GABRG3: variants seen among roughly 807,000 people sequenced by gnomAD.
GABRG3 encodes gamma-aminobutyric acid receptor subunit gamma-3.
Under a neutral mutation model 48.8 loss-of-function variants are expected in GABRG3, and 25 were observed. The observed-to-expected ratio is 0.51, with a 90% confidence interval of 0.37 to 0.72. GABRG3 has a LOEUF of 0.72. GABRG3 is among the 30% of genes least tolerant of loss of function. The pLI, the probability that GABRG3 is intolerant of heterozygous loss-of-function variation, is 0.00. For missense variants in GABRG3, 394 were observed against 577.9 expected (o/e 0.68, Z 3.26); for synonymous variants, 227 against 217.6 (o/e 1.04, Z -0.38).
At chr15:27,436,051 T>C (rs1888599523) in intron 5 of GABRG3, among the ~76,000 whole-genome samples, 2 of 152,210 alleles carry the variant, frequency 1.3e-5, no homozygotes, top group South Asian at 4.1e-4. Flanking sequence ...TTAGTCCTGA[T>C]GGCAATTGCT....
At chr15:27,260,004 G>A (rs916576143) in intron 3 of GABRG3, among the ~76,000 whole-genome samples, 2 of 152,188 alleles carry the variant, frequency 1.3e-5, no homozygotes, top group Non-Finnish European at 2.9e-5. Flanking sequence ...CAAAGGGCCT[G>A]GGAAGATGTG....
intron 9 of GABRG3, among the ~76,000 whole-genome samples, chr15:27,529,780 AAGGAG>A (rs1188114994): frequency 6.6e-6 from 1 of 152,022 alleles, no homozygotes; most frequent in Non-Finnish European, 1.5e-5. Flanking sequence ...GTGTTGAAAG[AAGGAG>A]AGAAACATTG....
intron 3 of GABRG3, among the ~76,000 whole-genome samples, chr15:27,256,314 G>A (rs534528542): frequency 1.2e-4 from 18 of 152,112 alleles, no homozygotes; most frequent in East Asian, 3.9e-4. Flanking sequence ...GATGGAGGGC[G>A]CCTGTAGGCC....
rs191510819 is a variant in GABRG3 at position 27,307,038 on chromosome 15, A to T, written c.271-19771A>T. Among the ~76,000 whole-genome samples the T allele has an allele frequency of 1.4e-3, 116 of 84,082 alleles. 8 individuals carry two copies. The highest frequency in any genetic ancestry group is 5.7e-3 in the African/African-American group (103 of 17,934). The allele number at this position is 84,082 out of a possible 152,430, so 55.2% of individuals were successfully genotyped here. The stretch of plus-strand genomic sequence containing the variant: ...CATGTTTATATATAAACATGTATAA[A>T]ATAAACATGTTTATATATAAACATG... On this transcript the variant is annotated intron_variant, in intron 3 of 9. Coordinates refer to ENST00000615808, the MANE Select transcript of GABRG3 (RefSeq NM_033223.5).
At position 27,398,666 on chromosome 15, in the gene GABRG3, G is replaced by GCGCGCA. The variant is rs56278943; in HGVS notation, c.574+69779_574+69780insGCGCAC. 3.3e-4 allele frequency among the ~76,000 whole-genome samples: 48 copies of GCGCGCA among 147,306 alleles called. No homozygotes were observed. The East Asian group carries it at 6.1e-3, about 19-fold the overall frequency. Reference sequence around the variant, plus strand: ...TGGGTAGGGGAGATGACAAGCGCGCGCACACACACACACACACACACACCC... The same window carrying GCGCGCA: ...TGGGTAGGGGAGATGACAAGCGCGCGCGCGCACACACACACACACACACACACACCC... On this transcript the variant is annotated intron_variant, in intron 5 of 9. Coordinates refer to ENST00000615808, the MANE Select transcript of GABRG3 (RefSeq NM_033223.5).
At chr15:27,221,674 C>G (rs1238363175) in intron 3 of GABRG3, among the ~76,000 whole-genome samples, 1 of 152,102 alleles carries the variant, frequency 6.6e-6, no homozygotes, top group African/African-American at 2.4e-5. Flanking sequence ...CTTGTTACAA[C>G]CAAGTAGCTG....
intron 5 of GABRG3, among the ~76,000 whole-genome samples, chr15:27,369,951 C>A (rs960502675): frequency 2.6e-5 from 4 of 152,104 alleles, no homozygotes; most frequent in African/African-American, 9.7e-5. Flanking sequence ...CCCTTACTCA[C>A]CAGCTTCTTA....
chr15:27,173,976 T>C (rs1887658434), intron 3 of GABRG3, among the ~76,000 whole-genome samples: 1 of 152,244 alleles, frequency 6.6e-6, no homozygotes, highest in Admixed American at 6.5e-5. Context: ...ATTTGATAGC[T>C]ATCAAGATGT....
intron 3 of GABRG3, among the ~76,000 whole-genome samples, chr15:27,056,359 AAAAAAAAAAAAAAAG>A (rs1036143695): frequency 1.7e-4 from 25 of 149,990 alleles, no homozygotes; most frequent in African/African-American, 6.1e-4. Flanking sequence ...TCTCCAAAAA[AAAAAAAAAAAAAAAG>A]AAAAGAAAAA....
chr15:27,218,776 G>A (rs117704459), intron 3 of GABRG3, among the ~76,000 whole-genome samples: 1 of 152,174 alleles, frequency 6.6e-6, no homozygotes, highest in Admixed American at 6.5e-5. Flanking sequence ...ATTTTGAACC[G>A]CTGCGACTGA....
chr15:27,365,469 C>G (rs766578536), intron 5 of GABRG3: 1 of 152,222 alleles, frequency 6.6e-6, no homozygotes, highest in Non-Finnish European at 1.5e-5. Context: ...CTTTAAGACA[C>G]TGACATTTCG....
intron 8 of GABRG3, 92 bp downstream of exon 8, chr15:27,527,721 G>T: frequency 8.0e-7 from 1 of 1,246,914 alleles, no homozygotes; most frequent in East Asian, 2.5e-5. Flanking sequence ...CCTAAGGATC[G>T]TACAAAGCAT....
intron 5 of GABRG3, chr15:27,365,304 GACACACACACACACAC>G (rs56056093): frequency 1.6e-5 from 2 of 126,820 alleles, no homozygotes; most frequent in African/African-American, 3.2e-5. Flanking sequence ...CACAGACACA[GACACACACACACACAC>G]ACACACACAC....
chr15:27,484,125 G>A (rs1008883281), intron 6 of GABRG3, among the ~76,000 whole-genome samples: 10 of 152,170 alleles, frequency 6.6e-5, no homozygotes, highest in Admixed American at 3.3e-4. Flanking sequence ...TAGTAGAGAC[G>A]CAGTTTCGCC....
intron 3 of GABRG3, among the ~76,000 whole-genome samples, chr15:27,232,948 G>C (rs980966775): frequency 6.6e-6 from 1 of 152,210 alleles, no homozygotes; most frequent in Non-Finnish European, 1.5e-5. Flanking sequence ...GTGGTCAGGA[G>C]GGGCAGGACT....
chr15:27,345,717 G>T (rs1894341469), intron 5 of GABRG3, among the ~76,000 whole-genome samples: 1 of 152,092 alleles, frequency 6.6e-6, no homozygotes. Context: ...ATTTCTTGCA[G>T]GGTAGGTCTG....
At chr15:27,480,332 A>G (rs1340799179) in intron 5 of GABRG3, among the ~76,000 whole-genome samples, 1 of 151,874 alleles carries the variant, frequency 6.6e-6, no homozygotes, top group Admixed American at 6.6e-5. Context: ...ATTGACAAGC[A>G]CCTCCACTCC....
At chr15:27,525,239 T>A (rs1595811121) in intron 7 of GABRG3, among the ~76,000 whole-genome samples, 2 of 151,636 alleles carry the variant, frequency 1.3e-5, no homozygotes, top group East Asian at 3.9e-4. Flanking sequence ...AATTAGGAGG[T>A]TTACTTCTGA....
At chr15:27,147,261 AATAAAT>A (rs1253467261) in intron 3 of GABRG3, among the ~76,000 whole-genome samples, 1 of 152,092 alleles carries the variant, frequency 6.6e-6, no homozygotes, top group Non-Finnish European at 1.5e-5. Flanking sequence ...AAGAACACAT[AATAAAT>A]ATAAACATAT....
Sources: gnomAD v4.1 joint callset for allele counts (sites outside exome capture counted in the v4.1 genomes callset) on GRCh38, gnomAD v4.1.1 for gene constraint, MANE v1.5 for transcripts, NCBI Gene and HGNC (gene_info 2026-07-23, HGNC 2026-07-21) for gene names.